The following THAP4 variants were observed in gnomAD, a reference collection of about 807,000 sequenced individuals.
THAP4 encodes the protein THAP domain containing 4.
A neutral mutation model predicts 48.1 loss-of-function variants in THAP4; 18 were observed. That is an observed-to-expected ratio of 0.37 (90% CI 0.26 to 0.56). The LOEUF (loss-of-function observed/expected upper bound fraction) is 0.56, where lower values mean the gene tolerates loss of function less well. THAP4 is among the 20% of genes least tolerant of loss of function. The probability of loss-of-function intolerance (pLI) is 0.78; values close to 1 mark genes in which losing one functional copy is unlikely to be tolerated. For missense variants in THAP4, 656 were observed against 774.9 expected (o/e 0.85, Z 1.82); for synonymous variants, 345 against 324.9 (o/e 1.06, Z -0.66).
chr2:241,636,935 G>T lies in THAP4; in HGVS notation c.77+6C>A. 1 of 1,259,672 alleles carries T rather than the reference G, an allele frequency of 7.9e-7. No individual in the cohort carries two copies. The highest frequency in any genetic ancestry group is 1.4e-5 in the South Asian group (1 of 73,072). The allele number at this position is 1,259,672 out of a possible 1,614,324, so 78.0% of individuals were successfully genotyped here. ...GCGGGGGCGTGGCGGCCCGGGGCCC[G>T]CGTACCTGTGGAAGGAGACGGCGCG... On this transcript the variant is annotated splice_donor_region_variant and intron_variant, in intron 1 of 5. Transcript: ENST00000407315.
intron 4 of THAP4, 81 bp downstream of exon 4, chr2:241,602,887 CAT>C: frequency 9.3e-7 from 1 of 1,073,168 alleles, no homozygotes; most frequent in South Asian, 1.3e-5. Context: ...CAGGGTTGCA[CAT>C]GGGCATCCCT....
At chr2:241,606,921 G>T (rs916317815) in intron 2 of THAP4, among the ~76,000 whole-genome samples, 3 of 152,178 alleles carry the variant, frequency 2.0e-5, no homozygotes, top group African/African-American at 7.2e-5. Flanking sequence ...GCTGAAAGCA[G>T]CTCACACGGG....
intron 5 of THAP4, among the ~76,000 whole-genome samples, chr2:241,594,382 G>A (rs1415679629): frequency 1.3e-5 from 2 of 152,034 alleles, no homozygotes; most frequent in Admixed American, 6.6e-5. Context: ...CCAGGAGTTC[G>A]AGACCAGCCT....
In THAP4 at chr2:241,619,395, T is replaced by C. The variant is rs927214085; in HGVS notation, c.1241-12922A>G. ...AACACGTCATGAGGCAAGTTCATCA[T>C]TGTACAAACGTCACAGAGTGCACTT... On this transcript the variant is annotated intron_variant, in intron 2 of 5. Transcript: ENST00000407315. 2.0e-5 allele frequency among the ~76,000 whole-genome samples: 3 copies of C among 152,346 alleles called. No homozygotes were observed. In the South Asian group the frequency reaches 6.2e-4, roughly 32 times the overall value.
At chr2:241,605,623 A>G (rs1472901962) in intron 3 of THAP4, among the ~76,000 whole-genome samples, 1 of 152,196 alleles carries the variant, frequency 6.6e-6, no homozygotes, top group Non-Finnish European at 1.5e-5. Context: ...TGAGAACCAC[A>G]TACTAACAGC....
intron 2 of THAP4, among the ~76,000 whole-genome samples, chr2:241,628,925 CAA>C (rs34034619): frequency 0.019 from 1,209 of 64,272 alleles, 6 homozygotes; most frequent in African/African-American, 0.06. Flanking sequence ...GAGATTGTCT[CAA>C]AAAAAAAAAA....
chr2:241,634,007 A>G lies in THAP4; in HGVS notation c.150T>C (p.Thr50=). ...GCTCACTACAGAGAAATGAATACTT[A>G]GTGGGAGTCCAGTTATCCCTCTGAA... ...KAVQRDNWTP[T]KYSFLCSEHF... Residue 50 remains threonine, a synonymous_variant, in exon 2 of 6, where the codon ACT becomes ACC. Coordinates refer to ENST00000407315, the MANE Select transcript of THAP4 (RefSeq NM_015963.6). 1.2e-6 allele frequency: 2 copies of G among 1,614,080 alleles called. No individual in the cohort carries two copies. The highest frequency in any genetic ancestry group is 1.7e-6 in the Non-Finnish European group (2 of 1,179,986).
At chr2:241,619,928 G>GT (rs2067399389) in intron 2 of THAP4, among the ~76,000 whole-genome samples, 1 of 108,614 alleles carries the variant, frequency 9.2e-6, no homozygotes, top group Non-Finnish European at 1.9e-5. Context: ...GGGTGAGTGA[G>GT]GGGTGAGGGG....
chr2:241,621,528 A>G (rs1405716165), intron 2 of THAP4, among the ~76,000 whole-genome samples: 1 of 152,182 alleles, frequency 6.6e-6, no homozygotes, highest in Non-Finnish European at 1.5e-5. Flanking sequence ...AGGGCTCATC[A>G]ATAGGATGGA....
chr2:241,608,620 T>C lies in THAP4; in HGVS notation c.1241-2147A>G, dbSNP rs150380431. Among the ~76,000 whole-genome samples, 631 of 152,330 alleles carry C rather than the reference T, an allele frequency of 4.1e-3. 2 individuals carry two copies. Among genetic ancestry groups the C allele is most frequent in the African/African-American group, 0.014 (593 of 41,564 alleles). On this transcript the variant is annotated intron_variant, in intron 2 of 5. Coordinates refer to ENST00000407315, the MANE Select transcript of THAP4 (RefSeq NM_015963.6). ...AACGAGGCTTGTGATCTATCATAGC[T>C]GATCAATTCTTTCATCATTCAACGT...
At chr2:241,617,140 C>T (rs1287551828) in intron 2 of THAP4, among the ~76,000 whole-genome samples, 1 of 152,120 alleles carries the variant, frequency 6.6e-6, no homozygotes, top group African/African-American at 2.4e-5. Context: ...CAAACTGTGA[C>T]CTCAATATCT....
chr2:241,588,895 G>GA (rs1177195659), intron 5 of THAP4, among the ~76,000 whole-genome samples: 1 of 151,862 alleles, frequency 6.6e-6, no homozygotes, highest in Admixed American at 6.6e-5. Flanking sequence ...ACTGACTAGA[G>GA]AAAAAAAATG....
At chr2:241,602,889 T>G in intron 4 of THAP4, 81 bp downstream of exon 4, 1 of 1,084,516 alleles carries the variant, frequency 9.2e-7, no homozygotes, top group Non-Finnish European at 1.4e-6. Context: ...GGGTTGCACA[T>G]GGGCATCCCT....
Position 241,610,392 on chromosome 2 carries a change from T to C in THAP4, c.1241-3919A>G, listed in dbSNP as rs2067253439. On this transcript the variant is annotated intron_variant, in intron 2 of 5. Coordinates refer to ENST00000407315, the MANE Select transcript of THAP4 (RefSeq NM_015963.6). The surrounding 1 kb of genome is among the most constrained non-coding windows in gnomAD (Gnocchi z 4.2). ...GCCAGGGTCACGCCACCGCGCCCTG[T>C]TTGGGGAGCGGCAGAGGAGTCAGGG... 1.3e-5 allele frequency among the ~76,000 whole-genome samples: 2 copies of C among 151,890 alleles called. No homozygotes were observed. The highest frequency in any genetic ancestry group is 6.5e-5 in the Admixed American group (1 of 15,282).
In THAP4 at chr2:241,610,506, G is replaced by C. The variant is rs2067256197; in HGVS notation, c.1241-4033C>G. Among the ~76,000 whole-genome samples, 2 of 152,312 alleles carry C rather than the reference G, an allele frequency of 1.3e-5. No homozygotes were observed. The highest frequency in any genetic ancestry group is 4.1e-4 in the South Asian group (2 of 4,830). On this transcript the variant is annotated intron_variant, in intron 2 of 5. Coordinates refer to ENST00000407315, the MANE Select transcript of THAP4 (RefSeq NM_015963.6). The surrounding 1 kb of genome is among the most constrained non-coding windows in gnomAD (Gnocchi z 4.2). ...TCACAGGGCTCACTCAAGAGCTCCA[G>C]CAAGAGCAGAGGCGGGAGCCTCGCC...
At chr2:241,593,573 T>A (rs1226952697) in intron 5 of THAP4, among the ~76,000 whole-genome samples, 1 of 152,136 alleles carries the variant, frequency 6.6e-6, no homozygotes, top group Non-Finnish European at 1.5e-5. Context: ...CAGCCTGCCT[T>A]AACACCCCAC....
At chr2:241,603,986 A>T (rs1044583276) in intron 3 of THAP4, among the ~76,000 whole-genome samples, 4 of 152,066 alleles carry the variant, frequency 2.6e-5, no homozygotes, top group African/African-American at 9.7e-5. Context: ...TGTTTCTACA[A>T]AAATAAAAAC....
intron 2 of THAP4, among the ~76,000 whole-genome samples, chr2:241,614,911 A>G (rs1280093434): frequency 8.3e-6 from 1 of 120,366 alleles, no homozygotes; most frequent in East Asian, 2.6e-4. Flanking sequence ...AAAAACAAAA[A>G]CAAAAACAAA....
chr2:241,609,647 C>T (rs745444534), intron 2 of THAP4, among the ~76,000 whole-genome samples: 2 of 152,104 alleles, frequency 1.3e-5, no homozygotes, highest in Non-Finnish European at 2.9e-5. Context: ...ATTAGCCGGG[C>T]GTGGTGGCAC....
Sources: allele counts gnomAD v4.1 joint callset (sites outside exome capture counted in the v4.1 genomes callset), GRCh38; gene constraint gnomAD v4.1.1; non-coding constraint Gnocchi (gnomAD v3.1); transcripts MANE v1.5; gene names NCBI Gene and HGNC (gene_info 2026-07-23, HGNC 2026-07-21).